Variants in MALRD1 observed in about 807,000 individuals in gnomAD.
MALRD1 encodes the protein MAM and LDL-receptor class A domain-containing protein 1.
Under a neutral mutation model 242.1 loss-of-function variants are expected in MALRD1, and 247 were observed. The ratio of observed to expected loss-of-function variants is 1.02; its 90% CI spans 0.92 to 1.13. MALRD1 has a LOEUF of 1.13. MALRD1 is among the 50% of genes most tolerant of loss of function. The pLI is 0.00. For synonymous variants in MALRD1, 995 were observed against 866.6 expected (o/e 1.15, Z -2.60); for missense variants, 2,989 against 2,533.1 (o/e 1.18, Z -3.86).
chr10:19,268,421 C>T (rs1004213852), intron 19 of MALRD1, among the ~76,000 whole-genome samples: 1 of 152,076 alleles, frequency 6.6e-6, no homozygotes, highest in Admixed American at 6.5e-5. Context: ...GTGAGTATAA[C>T]TCCAAGTTAT....
chr10:19,134,877 T>C lies in MALRD1; in HGVS notation c.1203+929T>C, dbSNP rs192577648. Among the ~76,000 whole-genome samples the C allele has an allele frequency of 2.5e-3, 377 of 152,228 alleles. 2 individuals are homozygous for C. The highest frequency in any genetic ancestry group is 2.0e-3 in the Non-Finnish European group (133 of 68,004). On this transcript the variant is annotated intron_variant, in intron 9 of 39. Transcript: ENST00000454679. The stretch of plus-strand genomic sequence containing the variant: ...TTAGCTGTTCAATAATTATAGGCCT[T>C]TGAGATCTAAGTTTAAAACCATCAA...
chr10:19,060,470 T>G (rs1436943268), intron 1 of MALRD1, among the ~76,000 whole-genome samples: 2 of 152,114 alleles, frequency 1.3e-5, no homozygotes, highest in Non-Finnish European at 2.9e-5. Flanking sequence ...CCAATCTACC[T>G]CCTGCAAAGT....
At chr10:19,290,524 A>G (rs978804122) in intron 21 of MALRD1, 3 of 152,194 alleles carry the variant, frequency 2.0e-5, no homozygotes, top group Admixed American at 2.0e-4. Flanking sequence ...CATCAGTTGC[A>G]ATTTACATGT....
chr10:19,578,984 C>T (rs1391570956), intron 33 of MALRD1, among the ~76,000 whole-genome samples: 1 of 152,100 alleles, frequency 6.6e-6, no homozygotes, highest in Non-Finnish European at 1.5e-5. Flanking sequence ...TTAGTTGTTT[C>T]TATTAGGAAG....
intron 28 of MALRD1, among the ~76,000 whole-genome samples, chr10:19,433,897 C>A (rs1834247279): frequency 6.6e-6 from 1 of 152,020 alleles, no homozygotes; most frequent in South Asian, 2.1e-4. Flanking sequence ...CACGCGCACA[C>A]ACACACAGGG....
chr10:19,645,627 G>C (rs967512445), intron 36 of MALRD1, among the ~76,000 whole-genome samples: 1 of 151,884 alleles, frequency 6.6e-6, no homozygotes, highest in African/African-American at 2.4e-5. Flanking sequence ...CTATCCCAAG[G>C]ACTAAAAACC....
intron 31 of MALRD1, among the ~76,000 whole-genome samples, chr10:19,513,700 C>T (rs1833508627): frequency 6.6e-6 from 1 of 151,758 alleles, no homozygotes; most frequent in African/African-American, 2.4e-5. Flanking sequence ...GATTGGGCCA[C>T]TGTACTCCAA....
chr10:19,082,723 C>T lies in MALRD1; in HGVS notation c.341-5117C>T, dbSNP rs1274812934. 2.0e-5 allele frequency among the ~76,000 whole-genome samples: 3 copies of T among 151,802 alleles called. No individual in the cohort carries two copies. In the East Asian group the frequency reaches 5.8e-4, roughly 29 times the overall value. On this transcript the variant is annotated intron_variant, in intron 2 of 39. Coordinates refer to ENST00000454679, the MANE Select transcript of MALRD1 (RefSeq NM_001142308.3). ...CTCTGGAAATCAGATGCTCACTCTC[C>T]CAAAAACTCCCACACATTTGCTTCT...
rs541777589 is a variant in MALRD1, at chr10:19,615,702, A to C, written c.6071-155A>C. The stretch of plus-strand genomic sequence containing the variant: ...CAGAGAACAAATTTGAAGAGAGTAC[A>C]GGAAAGTAGCCTATGGGAATTCTTT... On this transcript the variant is annotated intron_variant, in intron 35 of 39. Coordinates refer to ENST00000454679, the MANE Select transcript of MALRD1 (RefSeq NM_001142308.3). Among the ~76,000 whole-genome samples the C allele has an allele frequency of 2.0e-5, 3 of 152,090 alleles. No homozygotes were observed. The South Asian group carries it at 6.2e-4, about 32-fold the overall frequency.
chr10:19,725,029 G>A (rs1248799762), intron 38 of MALRD1: 1 of 152,074 alleles, frequency 6.6e-6, no homozygotes, highest in Non-Finnish European at 1.5e-5. Context: ...TGAGGTGAAA[G>A]ATTTATACAC....
intron 31 of MALRD1, among the ~76,000 whole-genome samples, chr10:19,499,779 T>G (rs1024847848): frequency 1.3e-5 from 2 of 152,202 alleles, no homozygotes; most frequent in African/African-American, 4.8e-5. Context: ...ATATGACTAG[T>G]GAAAAGAGCA....
At chr10:19,617,003 T>G (rs539781279) in intron 36 of MALRD1, among the ~76,000 whole-genome samples, 17 of 152,132 alleles carry the variant, frequency 1.1e-4, no homozygotes, top group African/African-American at 3.9e-4. Context: ...ATACATAATA[T>G]TAATTTCTAA....
chr10:19,049,166 C>T, intron 1 of MALRD1, 29 bp downstream of exon 1: 1 of 1,233,082 alleles, frequency 8.1e-7, no homozygotes, highest in Non-Finnish European at 1.0e-6. Context: ...TCTCCAATTT[C>T]AATTCCCCGT....
At chr10:19,278,319 G>T (rs1588838251) in intron 19 of MALRD1, among the ~76,000 whole-genome samples, 1 of 152,162 alleles carries the variant, frequency 6.6e-6, no homozygotes, top group South Asian at 2.1e-4. Context: ...TTAAGCATCA[G>T]CTTGCCACGG....
chr10:19,468,117 A>T (rs1035264727), intron 29 of MALRD1, among the ~76,000 whole-genome samples: 40 of 151,830 alleles, frequency 2.6e-4, no homozygotes, highest in Middle Eastern at 3.4e-3. Flanking sequence ...ACAAAAAAAA[A>T]ATCTATTGTG....
At chr10:19,070,501 T>C (rs764501741) in intron 2 of MALRD1, among the ~76,000 whole-genome samples, 33 of 152,196 alleles carry the variant, frequency 2.2e-4, no homozygotes, top group Non-Finnish European at 4.1e-4. Flanking sequence ...ATTGCCTGCA[T>C]TGTATTTTTC....
At chr10:19,522,981 T>G (rs1833947758) in intron 31 of MALRD1, among the ~76,000 whole-genome samples, 3 of 152,226 alleles carry the variant, frequency 2.0e-5, no homozygotes, top group Admixed American at 2.0e-4. Flanking sequence ...ATTAATTGTC[T>G]TATTTCCACT....
At chr10:19,634,901 G>T (rs1159276969) in intron 36 of MALRD1, among the ~76,000 whole-genome samples, 1 of 152,158 alleles carries the variant, frequency 6.6e-6, no homozygotes, top group Non-Finnish European at 1.5e-5. Flanking sequence ...CCAGGTTGGT[G>T]AAATAGAGGT....
chr10:19,234,285 G>T (rs1429977494), intron 18 of MALRD1, among the ~76,000 whole-genome samples: 1 of 151,778 alleles, frequency 6.6e-6, no homozygotes, highest in Non-Finnish European at 1.5e-5. Context: ...TCCCTATTAA[G>T]AAACTAAAAT....
Sources: gnomAD v4.1 joint callset for allele counts (sites outside exome capture counted in the v4.1 genomes callset) on GRCh38, gnomAD v4.1.1 for gene constraint, MANE v1.5 for transcripts, NCBI Gene and HGNC (gene_info 2026-07-23, HGNC 2026-07-21) for gene names.